TRHDE: variants seen among roughly 807,000 people sequenced by gnomAD.
The protein encoded by TRHDE is thyrotropin-releasing hormone-degrading ectoenzyme.
A neutral mutation model predicts 125.7 loss-of-function variants in TRHDE; 72 were observed. The observed-to-expected ratio is 0.57, with a 90% CI of 0.47 to 0.70. TRHDE has a LOEUF of 0.70. TRHDE is among the 30% of genes least tolerant of loss of function. The probability of loss-of-function intolerance (pLI) is 0.00; values close to 1 mark genes in which losing one functional copy is unlikely to be tolerated. For synonymous variants in TRHDE, 509 were observed against 509.1 expected (o/e 1.00, Z 0.00); for missense variants, 1,110 against 1,327.1 (o/e 0.84, Z 2.54).
chr12:72,237,648 C>T (rs1377167362), intron 2 of TRHDE, among the ~76,000 whole-genome samples: 2 of 152,190 alleles, frequency 1.3e-5, no homozygotes, highest in African/African-American at 4.8e-5. Context: ...CACTCTCTCT[C>T]CCGCCACCTT....
chr12:72,389,829 G>A (rs1872558057), intron 3 of TRHDE, among the ~76,000 whole-genome samples: 1 of 152,158 alleles, frequency 6.6e-6, no homozygotes, highest in African/African-American at 2.4e-5. Context: ...GAATCACATT[G>A]GCTGCCTCAT....
chr12:72,350,826 G>A (rs770307611), intron 2 of TRHDE, among the ~76,000 whole-genome samples: 13 of 152,058 alleles, frequency 8.5e-5, no homozygotes, highest in African/African-American at 9.6e-5. Context: ...CATCCCTAGC[G>A]GTTTGGCTTA....
chr12:72,455,443 G>A (rs1405764883), intron 3 of TRHDE, among the ~76,000 whole-genome samples: 2 of 151,878 alleles, frequency 1.3e-5, no homozygotes, highest in African/African-American at 2.4e-5. Flanking sequence ...TTTTTGTAAA[G>A]GTAAATTTAG....
At chr12:72,182,252 T>G (rs1877109411) in intron 2 of TRHDE, among the ~76,000 whole-genome samples, 2 of 152,144 alleles carry the variant, frequency 1.3e-5, no homozygotes, top group Admixed American at 1.3e-4. Context: ...ATAACTGGAG[T>G]AACTGTCCAC....
intron 15 of TRHDE, among the ~76,000 whole-genome samples, chr12:72,648,349 T>A (rs2136106605): frequency 6.6e-6 from 1 of 152,134 alleles, no homozygotes; most frequent in African/African-American, 2.4e-5. Flanking sequence ...AAAATCAGAA[T>A]ACCTCCTTTA....
chr12:72,179,849 A>G (rs953398515), intron 2 of TRHDE, among the ~76,000 whole-genome samples: 37 of 152,200 alleles, frequency 2.4e-4, no homozygotes, highest in Middle Eastern at 3.4e-3. Flanking sequence ...TAATTTCCAA[A>G]CAGTTAATAA....
chr12:72,271,636 C>A (rs1020586269), upstream of TRHDE, among the ~76,000 whole-genome samples: 41 of 152,268 alleles, frequency 2.7e-4, no homozygotes, highest in African/African-American at 9.6e-4. Flanking sequence ...CTCGCGCGCT[C>A]CCTCTCCTTT....
At chr12:72,474,544 C>T (rs866357893) in intron 5 of TRHDE, among the ~76,000 whole-genome samples, 3 of 152,074 alleles carry the variant, frequency 2.0e-5, no homozygotes, top group Non-Finnish European at 2.9e-5. Flanking sequence ...TATTTTATCT[C>T]GCTTGGCATG....
chr12:72,367,967 T>A (rs1871407015), intron 2 of TRHDE, among the ~76,000 whole-genome samples: 1 of 152,158 alleles, frequency 6.6e-6, no homozygotes, highest in Non-Finnish European at 1.5e-5. Flanking sequence ...AATGTCAAAT[T>A]AGAGAAAATG....
intron 4 of TRHDE, 91 bp downstream of exon 4, chr12:72,470,003 C>T (rs1876566204): frequency 7.6e-7 from 1 of 1,323,874 alleles, no homozygotes; most frequent in Non-Finnish European, 1.0e-6. Context: ...TATTATCCTC[C>T]CAAAGAAGTT....
chr12:72,568,616 T>C lies in TRHDE; in HGVS notation c.2091T>C (p.His697=). 1 of 1,612,064 alleles carries C rather than the reference T, an allele frequency of 6.2e-7. No homozygotes were observed. Among genetic ancestry groups the C allele is most frequent in the Non-Finnish European group, 8.5e-7 (1 of 1,178,690 alleles). Residue 697 remains histidine (H), a synonymous_variant, in exon 10 of 19, where the codon CAT becomes CAC. Transcript: ENST00000261180. ...CTATTGTGGTAGGAAATAGAAGCCA[T>C]GTGTCTTCAGAAGCAATTATTTGGG... The part of the protein sequence containing the change: ...PLTIVVGNRS[H]VSSEAIIWVS...
At chr12:72,172,845 C>G (rs1566265183) in intron 2 of TRHDE, among the ~76,000 whole-genome samples, 1 of 152,144 alleles carries the variant, frequency 6.6e-6, no homozygotes, top group Non-Finnish European at 1.5e-5. Context: ...TAGCTTATTA[C>G]CAGAACCTGT....
chr12:72,282,922 GTAGAGGCCAGGGA>G (rs1879748341), intron 1 of TRHDE, among the ~76,000 whole-genome samples: 1 of 152,132 alleles, frequency 6.6e-6, no homozygotes, highest in Non-Finnish European at 1.5e-5. Flanking sequence ...GCATCTAGTG[GTAGAGGCCAGGGA>G]TACTGCTAAA....
At position 72,618,869 on chromosome 12, in the gene TRHDE, CTTTTT is replaced by C; in HGVS notation, c.2322-13_2322-9del. On this transcript the variant is annotated splice_polypyrimidine_tract_variant and intron_variant, in intron 12 of 18. Coordinates refer to ENST00000261180, the MANE Select transcript of TRHDE (RefSeq NM_013381.3). Reference sequence around the variant, plus strand: ...TCTTCGTTTGTGCATCATCATGTATCTTTTTTTTTTTTTAACTGTAGGGCTGGCTA... The same window carrying C: ...TCTTCGTTTGTGCATCATCATGTATCTTTTTTTTAACTGTAGGGCTGGCTA... The C allele has an allele frequency of 7.4e-7, 1 of 1,345,190 alleles. No individual in the cohort carries two copies. Among genetic ancestry groups the C allele is most frequent in the Admixed American group, 2.8e-5 (1 of 35,852 alleles). The allele number at this position is 1,345,190 out of a possible 1,614,324, so 83.3% of individuals were successfully genotyped here.
At chr12:72,532,069 A>C (rs1868584812) in intron 6 of TRHDE, among the ~76,000 whole-genome samples, 1 of 152,056 alleles carries the variant, frequency 6.6e-6, no homozygotes, top group Non-Finnish European at 1.5e-5. Flanking sequence ...TTTCTAAAGA[A>C]TATAGTTCTT....
intron 6 of TRHDE, among the ~76,000 whole-genome samples, chr12:72,537,453 C>CGTGCTCACA (rs1006546992): frequency 3.9e-5 from 6 of 151,996 alleles, no homozygotes; most frequent in African/African-American, 1.4e-4. Flanking sequence ...GTTTTTCCTG[C>CGTGCTCACA]GTGCTCACAC....
At chr12:72,477,906 A>T (rs1005022438) in intron 5 of TRHDE, among the ~76,000 whole-genome samples, 2 of 152,146 alleles carry the variant, frequency 1.3e-5, no homozygotes, top group Non-Finnish European at 2.9e-5. Flanking sequence ...CATTACAAGA[A>T]AGTGCTTCTA....
chr12:72,521,524 T>C (rs1335545705), intron 6 of TRHDE, among the ~76,000 whole-genome samples: 1 of 152,178 alleles, frequency 6.6e-6, no homozygotes, highest in Non-Finnish European at 1.5e-5. Flanking sequence ...AACCAACTTG[T>C]GTCGTTTAGT....
chr12:72,608,285 A>G (rs1872525074), intron 12 of TRHDE, among the ~76,000 whole-genome samples: 1 of 152,110 alleles, frequency 6.6e-6, no homozygotes, highest in African/African-American at 2.4e-5. Flanking sequence ...CCTTTCCTAT[A>G]CAACGTTGAG....
Sources: allele counts gnomAD v4.1 joint callset (sites outside exome capture counted in the v4.1 genomes callset), GRCh38; gene constraint gnomAD v4.1.1; transcripts MANE v1.5; gene names NCBI Gene and HGNC (gene_info 2026-07-23, HGNC 2026-07-21).